Variants in TUBA1C observed in about 807,000 individuals in gnomAD.
TUBA1C encodes tubulin alpha 1c.
TUBA1C carries 16 observed loss-of-function variants against 34.9 expected under a neutral mutation model. That is an observed-to-expected ratio of 0.46 (90% CI 0.31 to 0.70). The LOEUF (loss-of-function observed/expected upper bound fraction) is 0.70, where lower values mean the gene tolerates loss of function less well. Ranked by LOEUF, TUBA1C falls within the 30% of genes least tolerant of loss-of-function variation. The pLI, the probability that TUBA1C is intolerant of heterozygous loss-of-function variation, is 0.05. For synonymous variants in TUBA1C, 177 were observed against 215.9 expected (o/e 0.82, Z 1.58); for missense variants, 329 against 587.3 (o/e 0.56, Z 4.55).
chr12:49,261,225 G>A (rs981284798), upstream of TUBA1C, among the ~76,000 whole-genome samples: 3 of 149,562 alleles, frequency 2.0e-5, no homozygotes, highest in South Asian at 2.1e-4. Context: ...GCGAGACACC[G>A]TCTCAAAAAA....
At chr12:49,239,978 G>GT (rs1942595218) in intron 1 of TUBA1C, among the ~76,000 whole-genome samples, 1 of 150,670 alleles carries the variant, frequency 6.6e-6, no homozygotes, top group Non-Finnish European at 1.5e-5. Flanking sequence ...TTCTCTTGTT[G>GT]TTCTGCTTAT....
chr12:49,269,784 C>G, intron 2 of TUBA1C, 44 bp from the exon 3 acceptor site: 1 of 1,613,898 alleles, frequency 6.2e-7, no homozygotes, highest in Non-Finnish European at 8.5e-7. Flanking sequence ...ACTCTCCCTC[C>G]CCGCTCCTTG....
In TUBA1C at chr12:49,273,984, A is replaced by T. The variant is rs1469478945; in HGVS notation, c.*757A>T. 2 of 152,958 alleles carry T rather than the reference A, an allele frequency of 1.3e-5. No individual in the cohort carries two copies. Among genetic ancestry groups the T allele is most frequent in the Non-Finnish European group, 2.9e-5 (2 of 68,638 alleles). 9.5% of individuals were successfully genotyped at this position (152,958 alleles called of 1,614,324 possible). A position where few individuals can be genotyped will look rare whatever the true frequency, so the allele number is the denominator to read the frequency against. On this transcript the variant is annotated 3_prime_UTR_variant, in exon 4 of 4. Coordinates refer to ENST00000301072, the MANE Select transcript of TUBA1C (RefSeq NM_032704.5). The stretch of plus-strand genomic sequence containing the variant: ...TGCCTATAGGTGGGAGGACCACCTG[A>T]GCCCAAGGAGGTTGAGGTAGTGAGC...
upstream of TUBA1C, among the ~76,000 whole-genome samples, chr12:49,264,219 C>CA (rs572667018): frequency 0.099 from 7,844 of 79,276 alleles, 241 homozygotes; most frequent in East Asian, 0.2. Flanking sequence ...GACTCCGTCT[C>CA]AAAAAAAAAA....
At chr12:49,261,271 G>T (rs999797369), upstream of TUBA1C, among the ~76,000 whole-genome samples, 4 of 151,998 alleles carry the variant, frequency 2.6e-5, no homozygotes, top group Non-Finnish European at 5.9e-5. Flanking sequence ...TTGTTCAACT[G>T]CAGAGTCCTA....
At chr12:49,243,291 A>T (rs1313024162) in intron 1 of TUBA1C, among the ~76,000 whole-genome samples, 1 of 152,124 alleles carries the variant, frequency 6.6e-6, no homozygotes, top group Non-Finnish European at 1.5e-5. Context: ...TACTAAAAAT[A>T]CAAAAAATAG....
At chr12:49,267,122 G>C (rs1942924877) in intron 1 of TUBA1C, among the ~76,000 whole-genome samples, 1 of 152,208 alleles carries the variant, frequency 6.6e-6, no homozygotes, top group Non-Finnish European at 1.5e-5. Context: ...GTGGCCAGGG[G>C]AGAGTGGAGG....
chr12:49,273,120 G>C lies in TUBA1C; in HGVS notation c.1243G>C (p.Glu415Gln), dbSNP rs763622053. Reference sequence around the variant, plus strand: ...CTGGTACGTGGGTGAGGGGATGGAGGAAGGCGAGTTTTCAGAGGCCCGTGA... The same window carrying C: ...CTGGTACGTGGGTGAGGGGATGGAGCAAGGCGAGTTTTCAGAGGCCCGTGA... The part of the protein sequence containing the change: ...VHWYVGEGME[E>Q]GEFSEAREDM... The change falls in exon 4 of 4, where the codon GAA (glutamate) becomes CAA (glutamine). Residue 415 changes from glutamate (E) to glutamine (Q), a missense_variant. Physicochemically the swap from Glu to Gln is conservative, Grantham distance 29. Coordinates refer to ENST00000301072, the MANE Select transcript of TUBA1C (RefSeq NM_032704.5). 1 of 1,614,240 alleles carries C rather than the reference G, an allele frequency of 6.2e-7. No individual in the cohort carries two copies. Among genetic ancestry groups the C allele is most frequent in the South Asian group, 1.1e-5 (1 of 91,086 alleles).
At chr12:49,241,613 C>G (rs562548241) in intron 1 of TUBA1C, among the ~76,000 whole-genome samples, 1 of 143,680 alleles carries the variant, frequency 7.0e-6, no homozygotes, top group South Asian at 2.5e-4. Context: ...TCCTCCCCTC[C>G]CTCCCTCCCT....
upstream of TUBA1C, among the ~76,000 whole-genome samples, chr12:49,264,314 C>T (rs961310984): frequency 6.6e-6 from 1 of 152,102 alleles, no homozygotes; most frequent in African/African-American, 2.4e-5. Flanking sequence ...TGCTTTTGCG[C>T]CTATCGGGAG....
At chr12:49,242,393 C>A (rs1565640452) in intron 1 of TUBA1C, among the ~76,000 whole-genome samples, 1 of 152,170 alleles carries the variant, frequency 6.6e-6, no homozygotes, top group Non-Finnish European at 1.5e-5. Flanking sequence ...ACTTAACTAG[C>A]AAAACCAGTC....
chr12:49,267,631 C>CT (rs1029824822), intron 1 of TUBA1C, among the ~76,000 whole-genome samples: 2 of 152,172 alleles, frequency 1.3e-5, no homozygotes, highest in Admixed American at 6.6e-5. Flanking sequence ...CAGAGCGAGA[C>CT]TTTTTCTCAA....
At chr12:49,234,711 G>T (rs539593519) in intron 1 of TUBA1C, among the ~76,000 whole-genome samples, 1 of 152,348 alleles carries the variant, frequency 6.6e-6, no homozygotes, top group South Asian at 2.1e-4. Context: ...GTTTAGAAGC[G>T]GCCTTTCTTC....
chr12:49,229,128 G>A (rs999686456), intron 1 of TUBA1C, among the ~76,000 whole-genome samples: 5 of 152,140 alleles, frequency 3.3e-5, no homozygotes, highest in African/African-American at 7.2e-5. Context: ...TTTTAGCTTG[G>A]TGTATTTGTA....
At chr12:49,255,405 AAT>A (rs142218984) in intron 1 of TUBA1C, among the ~76,000 whole-genome samples, 593 of 141,198 alleles carry the variant, frequency 4.2e-3, no homozygotes, top group Middle Eastern at 0.015. Flanking sequence ...ATCTTTAAAA[AAT>A]ATATATATAT....
chr12:49,240,039 C>G (rs1254982210), intron 1 of TUBA1C, among the ~76,000 whole-genome samples: 2 of 107,860 alleles, frequency 1.9e-5, no homozygotes, highest in Admixed American at 9.2e-5. Context: ...AGCACAGACA[C>G]ACACACACAC....
chr12:49,237,045 G>C (rs1942562107), intron 1 of TUBA1C, among the ~76,000 whole-genome samples: 1 of 152,128 alleles, frequency 6.6e-6, no homozygotes, highest in Middle Eastern at 3.2e-3. Flanking sequence ...CCATGATACT[G>C]ATCATAGAGA....
Position 49,273,489 on chromosome 12 carries a change from A to T in TUBA1C, c.*262A>T. 4.0e-6 allele frequency: 2 copies of T among 501,190 alleles called. No individual in the cohort carries two copies. The highest frequency in any genetic ancestry group is 7.0e-6 in the Non-Finnish European group (2 of 284,038). The allele number at this position is 501,190 out of a possible 1,614,324, so 31.0% of individuals were successfully genotyped here. On this transcript the variant is annotated 3_prime_UTR_variant, in exon 4 of 4. Transcript: ENST00000301072. Reference sequence around the variant, plus strand: ...ATTGCAGCCTCGAGCTCCTGGACTCATGTGATTCTCCTGCTTCAGCCTCCT... The same window carrying T: ...ATTGCAGCCTCGAGCTCCTGGACTCTTGTGATTCTCCTGCTTCAGCCTCCT...
intron 3 of TUBA1C, among the ~76,000 whole-genome samples, 185 bp from the exon 4 acceptor site, chr12:49,272,068 G>A (rs1189645717): frequency 6.6e-6 from 1 of 151,330 alleles, no homozygotes; most frequent in Non-Finnish European, 1.5e-5. Context: ...AAATGCAAAT[G>A]GTCCTCCCAC....
Sources: gnomAD v4.1 joint callset for allele counts (sites outside exome capture counted in the v4.1 genomes callset) on GRCh38, gnomAD v4.1.1 for gene constraint, MANE v1.5 for transcripts, NCBI Gene and HGNC (gene_info 2026-07-23, HGNC 2026-07-21) for gene names.